The following PCDH7 variants were observed in gnomAD, a reference collection of about 807,000 sequenced individuals.
PCDH7 encodes the protein protocadherin 7.
PCDH7 carries 17 observed loss-of-function variants against 58.9 expected under a neutral mutation model. The observed-to-expected ratio is 0.29, with a 90% CI of 0.20 to 0.43. The LOEUF is 0.43. PCDH7 is among the 20% of genes least tolerant of loss of function. The probability of loss-of-function intolerance (pLI) is 1.00; values close to 1 mark genes in which losing one functional copy is unlikely to be tolerated. For synonymous variants in PCDH7, 664 were observed against 616.4 expected (o/e 1.08, Z -1.14); for missense variants, 1,274 against 1,441.0 (o/e 0.88, Z 1.88).
At chr4:30,829,598 G>A (rs192349788) in intron 1 of PCDH7, among the ~76,000 whole-genome samples, 4 of 152,116 alleles carry the variant, frequency 2.6e-5, no homozygotes, top group Admixed American at 6.6e-5. Context: ...ATTTCATGAA[G>A]CAATTGTCAG....
At position 30,790,872 on chromosome 4, in the gene PCDH7, G is replaced by A. The variant is rs756433480; in HGVS notation, c.70+66276G>A. Among the ~76,000 whole-genome samples the A allele has an allele frequency of 3.3e-5, 5 of 152,104 alleles. No individual in the cohort carries two copies. In the South Asian group the frequency reaches 8.3e-4, roughly 25 times the overall value. ...TGGGAGGTCAAGGCTGCAGTGACCC[G>A]TGTTCACAGCACTGCACTCCAGCAA... is the stretch of plus-strand genomic sequence containing the variant. On this transcript the variant is annotated intron_variant, in intron 1 of 3. Transcript: ENST00000509759.
chr4:31,013,592 T>TACACACACACACAC lies in PCDH7; in HGVS notation c.*7+63391_*7+63404dup, dbSNP rs138674335. 1.1e-4 allele frequency among the ~76,000 whole-genome samples: 16 copies of TACACACACACACAC among 146,434 alleles called. 1 individual carries two copies. The South Asian group carries it at 3.3e-3, about 30-fold the overall frequency. ...AGAGTATGTCCATATATATATTTTA[T>TACACACACACACAC]ACACACACACACACACACACACACA... On this transcript the variant is annotated intron_variant, in intron 3 of 3. Coordinates refer to the PCDH7 transcript ENST00000509759.
intron 1 of PCDH7, among the ~76,000 whole-genome samples, chr4:30,843,877 T>C (rs1731555756): frequency 6.6e-6 from 1 of 151,708 alleles, no homozygotes; most frequent in Admixed American, 6.6e-5. Context: ...ACCTCAGGAG[T>C]ACATCCACAG....
chr4:31,038,515 G>A (rs942473344), intron 3 of PCDH7, among the ~76,000 whole-genome samples: 4 of 152,076 alleles, frequency 2.6e-5, no homozygotes, highest in African/African-American at 9.7e-5. Flanking sequence ...AAAATAAATA[G>A]AGTTTACTGC....
intron 1 of PCDH7, among the ~76,000 whole-genome samples, chr4:30,746,542 C>T (rs1717803445): frequency 6.6e-6 from 1 of 152,112 alleles, no homozygotes; most frequent in East Asian, 1.9e-4. Flanking sequence ...TTTCTTGAGT[C>T]TTTATTTTTG....
chr4:31,108,409 A>T (rs1715867101), intron 3 of PCDH7, among the ~76,000 whole-genome samples: 1 of 119,166 alleles, frequency 8.4e-6, no homozygotes, highest in South Asian at 2.7e-4. Context: ...AAAAAAAAAA[A>T]TCACTTTCTA....
chr4:31,082,905 G>C (rs1025113004), intron 3 of PCDH7, among the ~76,000 whole-genome samples: 1 of 152,018 alleles, frequency 6.6e-6, no homozygotes, highest in Non-Finnish European at 1.5e-5. Context: ...TCAGGAGATC[G>C]AGACCATCCT....
chr4:30,818,719 A>G (rs779850715), intron 1 of PCDH7, among the ~76,000 whole-genome samples: 6 of 152,168 alleles, frequency 3.9e-5, no homozygotes, highest in Non-Finnish European at 8.8e-5. Flanking sequence ...GATCCCAGGA[A>G]ACTAGCCCTG....
chr4:30,803,699 A>G (rs1577869477), intron 1 of PCDH7, among the ~76,000 whole-genome samples: 3 of 152,328 alleles, frequency 2.0e-5, no homozygotes, highest in African/African-American at 7.2e-5. Context: ...TTGGTGTCCC[A>G]AAGTGCTGGG....
At chr4:30,915,587 G>T (rs1454038451) in intron 1 of PCDH7, among the ~76,000 whole-genome samples, 1 of 152,004 alleles carries the variant, frequency 6.6e-6, no homozygotes, top group South Asian at 2.1e-4. Context: ...GCGGTGGCGC[G>T]ATCTCGGCTC....
chr4:31,001,990 G>T (rs929749118), intron 3 of PCDH7, among the ~76,000 whole-genome samples: 6 of 152,120 alleles, frequency 3.9e-5, no homozygotes, highest in Non-Finnish European at 8.8e-5. Context: ...TAATAATAAT[G>T]GATCAAATAC....
chr4:30,725,110 C>T, intron 1 of PCDH7: 1 of 999,948 alleles, frequency 1.0e-6, no homozygotes, highest in Non-Finnish European at 1.2e-6. Context: ...AGATGTAGTA[C>T]TAAGTCTGAG....
chr4:30,804,586 A>G (rs1725949604), intron 1 of PCDH7, among the ~76,000 whole-genome samples: 1 of 152,016 alleles, frequency 6.6e-6, no homozygotes, highest in Non-Finnish European at 1.5e-5. Flanking sequence ...AAATGAGTTT[A>G]AGTTTTATTC....
intron 3 of PCDH7, among the ~76,000 whole-genome samples, chr4:30,962,776 TAAAAAAAAA>T (rs57257786): frequency 1.4e-5 from 1 of 70,610 alleles, no homozygotes; most frequent in Non-Finnish European, 2.7e-5. Flanking sequence ...GACCCAGTCT[TAAAAAAAAA>T]AAAAAAAAAA....
intron 3 of PCDH7, among the ~76,000 whole-genome samples, chr4:30,953,405 T>G (rs1194369475): frequency 2.0e-5 from 3 of 152,160 alleles, no homozygotes; most frequent in Non-Finnish European, 4.4e-5. Flanking sequence ...TTTTCTATAT[T>G]ACTTGATTGC....
At chr4:30,750,096 C>G (rs1204746528) in intron 1 of PCDH7, among the ~76,000 whole-genome samples, 2 of 152,106 alleles carry the variant, frequency 1.3e-5, no homozygotes, top group Non-Finnish European at 2.9e-5. Context: ...GCAACATATA[C>G]TTATTCTGCA....
intron 3 of PCDH7, among the ~76,000 whole-genome samples, chr4:30,970,274 T>A (rs1231570075): frequency 2.0e-5 from 3 of 152,036 alleles, no homozygotes; most frequent in Non-Finnish European, 4.4e-5. Flanking sequence ...GCACAAATAG[T>A]ACTTCATGTG....
chr4:30,979,359 T>C (rs973204650), intron 3 of PCDH7, among the ~76,000 whole-genome samples: 2 of 149,782 alleles, frequency 1.3e-5, no homozygotes, highest in African/African-American at 4.9e-5. Flanking sequence ...GAAAAAAAAA[T>C]TTGGTACTAC....
intron 3 of PCDH7, among the ~76,000 whole-genome samples, chr4:31,025,069 T>C (rs1754321264): frequency 6.6e-6 from 1 of 152,154 alleles, no homozygotes; most frequent in South Asian, 2.1e-4. Context: ...TGTTTAAAAG[T>C]TATTCAGTGA....
Sources: allele counts gnomAD v4.1 joint callset (sites outside exome capture counted in the v4.1 genomes callset), GRCh38; gene constraint gnomAD v4.1.1; transcripts MANE v1.5; gene names NCBI Gene and HGNC (gene_info 2026-07-23, HGNC 2026-07-21).